The following UBE2S variants were observed in gnomAD, a reference collection of about 807,000 sequenced individuals.
UBE2S encodes the protein ubiquitin-conjugating enzyme E2 S.
In UBE2S, 3 loss-of-function variants were observed where a neutral mutation model predicts 12.3. The ratio of observed to expected loss-of-function variants is 0.24; its 90% CI spans 0.11 to 0.63. The LOEUF is 0.63. Ranked by LOEUF, UBE2S falls within the 30% of genes least tolerant of loss-of-function variation. UBE2S has a pLI of 0.85. For missense variants in UBE2S, 211 were observed against 313.9 expected (o/e 0.67, Z 2.48); for synonymous variants, 133 against 142.0 (o/e 0.94, Z 0.45).
chr19:55,407,554 AC>A, intron 1 of UBE2S, 32 bp downstream of exon 1: 1 of 1,520,512 alleles, frequency 6.6e-7, no homozygotes. Flanking sequence ...GACACCCCCG[AC>A]CACCTTCATG....
chr19:55,403,132 C>A (rs1218959369), intron 3 of UBE2S: 1 of 782,866 alleles, frequency 1.3e-6, no homozygotes, highest in South Asian at 1.4e-5. Flanking sequence ...CGAGTTGTGA[C>A]AACCCTTTCT....
intron 3 of UBE2S, 117 bp from the exon 4 acceptor site, chr19:55,401,879 TCCAGGCCCC>T: frequency 1.8e-6 from 2 of 1,094,802 alleles, no homozygotes; most frequent in South Asian, 1.4e-5. Context: ...CAGCTGCAGA[TCCAGGCCCC>T]ACCTATGCTG....
chr19:55,402,853 T>A (rs1190733527), intron 3 of UBE2S: 3 of 1,091,772 alleles, frequency 2.7e-6, no homozygotes, highest in African/African-American at 1.6e-5. Context: ...ATCCTCTCCC[T>A]CCCCATGGCA....
chr19:55,406,736 A>G, intron 2 of UBE2S, 79 bp downstream of exon 2: 1 of 1,519,258 alleles, frequency 6.6e-7, no homozygotes, highest in Non-Finnish European at 8.9e-7. Flanking sequence ...TGTAATGGGT[A>G]CTTCCCGCTA....
chr19:55,405,723 A>C (rs2090092773), intron 2 of UBE2S, among the ~76,000 whole-genome samples: 1 of 152,126 alleles, frequency 6.6e-6, no homozygotes, highest in Non-Finnish European at 1.5e-5. Context: ...CTTTCCTATA[A>C]GATGCCCATT....
Position 55,407,748 on chromosome 19 carries a change from G to A in UBE2S, c.-159C>T, listed in dbSNP as rs943613879. ...GCCTCCGACGTCCGCCGCGCACAGC[G>A]TAGACCAACCCGCCGCCCCGGTGCC... On this transcript the variant is annotated 5_prime_UTR_variant, in exon 1 of 4. In the 5' UTR this introduces an upstream ATG that the reference lacks. Transcript: ENST00000264552. 2.1e-6 allele frequency: 1 copy of A among 470,692 alleles called. No individual in the cohort carries two copies. Among genetic ancestry groups the A allele is most frequent in the Non-Finnish European group, 3.3e-6 (1 of 302,760 alleles). 29.2% of individuals were successfully genotyped at this position (470,692 alleles called of 1,614,324 possible). A position where few individuals can be genotyped will look rare whatever the true frequency, so the allele number is the denominator to read the frequency against.
rs1452475087 is a variant in UBE2S, at chr19:55,400,873, CA to C, written c.*562del. On this transcript the variant is annotated 3_prime_UTR_variant, in exon 4 of 4. Transcript: ENST00000264552. Reference sequence around the variant, plus strand: ...TAGCACAAAGCAGGATCAGATGATTCAAGGGGACCGAACCTTGGCCCAGTCC... The same window carrying C: ...TAGCACAAAGCAGGATCAGATGATTCAGGGGACCGAACCTTGGCCCAGTCC... 3.9e-5 allele frequency: 6 copies of C among 154,110 alleles called. No homozygotes were observed. The highest frequency in any genetic ancestry group is 1.4e-4 in the African/African-American group (6 of 41,462). The allele number at this position is 154,110 out of a possible 1,614,324, so 9.5% of individuals were successfully genotyped here. A position where few individuals can be genotyped will look rare whatever the true frequency, so the allele number is the denominator to read the frequency against.
chr19:55,403,270 A>C, intron 3 of UBE2S: 1 of 573,780 alleles, frequency 1.7e-6, no homozygotes, highest in East Asian at 2.9e-5. Context: ...GTTTTACGGC[A>C]TGTAAGCTCA....
At position 55,404,345 on chromosome 19, in the gene UBE2S, G is replaced by A. The variant is rs145439690; in HGVS notation, c.285C>T (p.Cys95=). 2.0e-4 allele frequency: 318 copies of A among 1,613,848 alleles called. No individual in the cohort carries two copies. The African/African-American group carries it at 3.8e-3, about 19-fold the overall frequency. The change falls in exon 3 of 4, where the codon TGC becomes TGT. Residue 95 remains cysteine (C), a synonymous_variant. Coordinates refer to ENST00000264552, the MANE Select transcript of UBE2S (RefSeq NM_014501.3). This position sits in a 1 kb window ranked among gnomAD's most constrained non-coding sequence, Gnocchi z 4.4. ...TCCAGTCCCTCTTGAGCACGTTGAC[G>A]CAGATCTCGCCATTGGCGCCCACGT... The part of the protein sequence containing the change: ...HPNVGANGEI[C]VNVLKRDWTA...
chr19:55,402,503 G>A (rs1436774421), intron 3 of UBE2S, among the ~76,000 whole-genome samples: 1 of 152,214 alleles, frequency 6.6e-6, no homozygotes, highest in Non-Finnish European at 1.5e-5. Context: ...AGCCCCAGCT[G>A]GATCCTCTGA....
chr19:55,403,809 C>T (rs928492340), intron 3 of UBE2S: 15 of 159,378 alleles, frequency 9.4e-5, no homozygotes, highest in South Asian at 4.7e-4. Context: ...GGCGCGATCT[C>T]GGCTCACTGC....
At chr19:55,406,782 A>C (rs749706564) in intron 2 of UBE2S, 33 bp downstream of exon 2, 2 of 1,596,516 alleles carry the variant, frequency 1.3e-6, no homozygotes, top group African/African-American at 2.7e-5. Flanking sequence ...GGATCTAAGC[A>C]GCAGCCCCTT....
intron 1 of UBE2S, 96 bp downstream of exon 1, chr19:55,407,491 A>C: frequency 7.3e-7 from 1 of 1,375,378 alleles, no homozygotes; most frequent in South Asian, 1.3e-5. Flanking sequence ...TGGCCCTCAA[A>C]CCCCTCAAGG....
rs556450582 is a variant in UBE2S, at chr19:55,404,004, T to C, written c.342+284A>G. ...GATCCACCACACCTGGCCTACCCTA[T>C]CCTTGTTTTTTAAAAAAAAGGGAGA... On this transcript the variant is annotated intron_variant, in intron 3 of 3. Transcript: ENST00000264552. The surrounding 1 kb of genome is among the most constrained non-coding windows in gnomAD (Gnocchi z 4.4). 34 of 384,838 alleles carry C rather than the reference T, an allele frequency of 8.8e-5. No homozygotes were observed. Among genetic ancestry groups the C allele is most frequent in the South Asian group, 7.6e-4 (33 of 43,350 alleles). 23.8% of individuals were successfully genotyped at this position (384,838 alleles called of 1,614,324 possible).
chr19:55,401,020 C>T lies in UBE2S; in HGVS notation c.*416G>A, dbSNP rs933000830. 1.3e-4 allele frequency: 28 copies of T among 211,382 alleles called. No homozygotes were observed. Among genetic ancestry groups the T allele is most frequent in the South Asian group, 7.6e-4 (11 of 14,454 alleles). The allele number at this position is 211,382 out of a possible 1,614,324, so 13.1% of individuals were successfully genotyped here. A position where few individuals can be genotyped will look rare whatever the true frequency, so the allele number is the denominator to read the frequency against. On this transcript the variant is annotated 3_prime_UTR_variant, in exon 4 of 4. Transcript: ENST00000264552. ...TAGAGGGAGAAGTATAGGGCAGTGC[C>T]GCTCAGGCCACCAGGAGCAGCTCCA...
chr19:55,406,464 C>T (rs896210080), intron 2 of UBE2S, among the ~76,000 whole-genome samples: 1 of 152,190 alleles, frequency 6.6e-6, no homozygotes, highest in South Asian at 2.1e-4. Context: ...TTGAGATCAC[C>T]TGGCCCACCC....
chr19:55,406,777 T>C (rs1398651748), intron 2 of UBE2S, 38 bp downstream of exon 2: 1 of 1,590,918 alleles, frequency 6.3e-7, no homozygotes, highest in Non-Finnish European at 8.6e-7. Context: ...ATGGAGGATC[T>C]AAGCAGCAGC....
In UBE2S at chr19:55,404,584, C is replaced by A; in HGVS notation, c.152-106G>T. 9.9e-7 allele frequency: 1 copy of A among 1,010,876 alleles called. No individual in the cohort carries two copies. Among genetic ancestry groups the A allele is most frequent in the South Asian group, 1.7e-5 (1 of 59,040 alleles). 62.6% of individuals were successfully genotyped at this position (1,010,876 alleles called of 1,614,324 possible). ...GTCTGATTGTGATGCAGGTGGGTGC[C>A]CCGCCAACTCTGCCAACAGACTGGA... On this transcript the variant is annotated intron_variant, in intron 2 of 3. Transcript: ENST00000264552. This position sits in a 1 kb window ranked among gnomAD's most constrained non-coding sequence, Gnocchi z 4.4.
intron 2 of UBE2S, 40 bp downstream of exon 2, chr19:55,406,775 T>C (rs756638529): frequency 1.9e-6 from 3 of 1,588,484 alleles, no homozygotes; most frequent in Non-Finnish European, 2.6e-6. Context: ...TGATGGAGGA[T>C]CTAAGCAGCA....
Sources: allele counts gnomAD v4.1 joint callset (sites outside exome capture counted in the v4.1 genomes callset), GRCh38; gene constraint gnomAD v4.1.1; non-coding constraint Gnocchi (gnomAD v3.1); transcripts MANE v1.5; gene names NCBI Gene and HGNC (gene_info 2026-07-23, HGNC 2026-07-21).